IL1RAPL2: variants seen among roughly 807,000 people sequenced by gnomAD.
IL1RAPL2 encodes the protein interleukin 1 receptor accessory protein like 2, also known as X-linked interleukin-1 receptor accessory protein-like 2.
In IL1RAPL2, 3 loss-of-function variants were observed where a neutral mutation model predicts 44.1. That is an observed-to-expected ratio of 0.07 (90% confidence interval 0.03 to 0.18). IL1RAPL2 has a LOEUF of 0.18. IL1RAPL2 is among the 10% of genes least tolerant of loss of function. IL1RAPL2 has a pLI of 1.00. For synonymous variants in IL1RAPL2, 181 were observed against 178.8 expected (o/e 1.01, Z -0.10); for missense variants, 391 against 496.4 (o/e 0.79, Z 2.02).
intron 5 of IL1RAPL2, among the ~76,000 whole-genome samples, chrX:105,300,989 G>A (rs993853608): frequency 4.5e-5 from 5 of 111,836 alleles, no homozygotes; most frequent in Middle Eastern, 4.7e-3. Context: ...TAAGTTTGGA[G>A]ACATGCTTAG....
At chrX:105,015,324 C>T (rs992350101) in intron 2 of IL1RAPL2, among the ~76,000 whole-genome samples, 9 of 110,811 alleles carry the variant, frequency 8.1e-5, no homozygotes, top group Non-Finnish European at 1.7e-4. Flanking sequence ...AATTAGATCC[C>T]GTTTGTGAAT....
At chrX:104,892,817 T>C (rs768286483) in intron 2 of IL1RAPL2, among the ~76,000 whole-genome samples, 3 of 111,991 alleles carry the variant, frequency 2.7e-5, no homozygotes, top group Non-Finnish European at 5.6e-5. Flanking sequence ...ATCTTAGTTA[T>C]TTCTTGCCTT....
intron 1 of IL1RAPL2, among the ~76,000 whole-genome samples, chrX:104,632,551 C>T (rs1929675951): frequency 9.2e-6 from 1 of 108,537 alleles, no homozygotes. Flanking sequence ...TTGAAGAGGT[C>T]CTTCACATCC....
intron 5 of IL1RAPL2, among the ~76,000 whole-genome samples, chrX:105,402,198 T>C (rs768400181): frequency 2.7e-5 from 3 of 111,485 alleles, no homozygotes; most frequent in East Asian, 2.8e-4. Flanking sequence ...TCTGAAGTAA[T>C]ACAGAGTTGC....
At chrX:105,322,304 C>A (rs975667744) in intron 5 of IL1RAPL2, among the ~76,000 whole-genome samples, 4 of 112,480 alleles carry the variant, frequency 3.6e-5, no homozygotes, top group African/African-American at 9.7e-5. Flanking sequence ...CTGTGTAATT[C>A]ATTGCCACAA....
chrX:105,628,233 T>C (rs964101373), intron 6 of IL1RAPL2, among the ~76,000 whole-genome samples: 3 of 111,520 alleles, frequency 2.7e-5, no homozygotes, highest in Non-Finnish European at 5.7e-5. Flanking sequence ...ACGTGCAGGT[T>C]AGTTAAATAT....
intron 1 of IL1RAPL2, among the ~76,000 whole-genome samples, chrX:104,601,287 C>A (rs1928877216): frequency 9.1e-6 from 1 of 109,905 alleles, no homozygotes; most frequent in African/African-American, 3.3e-5. Context: ...TCCCCCTACC[C>A]CACAACAGGC....
At chrX:105,169,032 C>T (rs5962471) in intron 2 of IL1RAPL2, among the ~76,000 whole-genome samples, 102 of 112,323 alleles carry the variant, frequency 9.1e-4, no homozygotes, top group Admixed American at 1.6e-3. Context: ...TTTATAACAA[C>T]TCTACACTGT....
chrX:105,744,693 A>T (rs2038526277), intron 8 of IL1RAPL2, among the ~76,000 whole-genome samples: 1 of 111,614 alleles, frequency 9.0e-6, no homozygotes, highest in African/African-American at 3.3e-5. Flanking sequence ...AAGTTTTGTA[A>T]CCTATCCATC....
chrX:105,360,234 G>A (rs1164616946), intron 5 of IL1RAPL2, among the ~76,000 whole-genome samples: 1 of 111,503 alleles, frequency 9.0e-6, no homozygotes, highest in African/African-American at 3.3e-5. Context: ...ACCAGAGAGT[G>A]AAGCAGTGAA....
At chrX:105,118,672 T>A (rs1221549421) in intron 2 of IL1RAPL2, among the ~76,000 whole-genome samples, 1 of 112,420 alleles carries the variant, frequency 8.9e-6, no homozygotes, top group African/African-American at 3.2e-5. Flanking sequence ...TTTCTGTTGT[T>A]CTTCTGAAAT....
At chrX:105,379,353 A>C (rs960601863) in intron 5 of IL1RAPL2, among the ~76,000 whole-genome samples, 2 of 111,632 alleles carry the variant, frequency 1.8e-5, no homozygotes, top group African/African-American at 6.5e-5. Context: ...GCAAAACAAA[A>C]GTAGTAGAAA....
chrX:104,898,938 G>A (rs751188971), intron 2 of IL1RAPL2, among the ~76,000 whole-genome samples: 44 of 112,219 alleles, frequency 3.9e-4, no homozygotes, highest in Non-Finnish European at 7.7e-4. Context: ...TTAATAATAA[G>A]AATATACTTT....
intron 6 of IL1RAPL2, among the ~76,000 whole-genome samples, chrX:105,596,818 C>T (rs146765331): frequency 1.4e-4 from 16 of 111,544 alleles, no homozygotes; most frequent in African/African-American, 5.2e-4. Context: ...AAAATAAACT[C>T]AAAATGCATT....
At chrX:104,879,509 A>G (rs998208266) in intron 2 of IL1RAPL2, among the ~76,000 whole-genome samples, 10 of 111,419 alleles carry the variant, frequency 9.0e-5, no homozygotes, top group East Asian at 5.6e-4. Flanking sequence ...TTGACACACA[A>G]CAGTTTCATT....
Position 104,952,514 on chromosome X carries a change from A to G in IL1RAPL2, c.83-242961A>G, listed in dbSNP as rs1207119821. Among the ~76,000 whole-genome samples the G allele has an allele frequency of 4.4e-5, 5 of 112,364 alleles. No individual in the cohort carries two copies. The East Asian group carries it at 1.4e-3, about 31-fold the overall frequency. On this transcript the variant is annotated intron_variant, in intron 2 of 10. Coordinates refer to ENST00000372582, the MANE Select transcript of IL1RAPL2 (RefSeq NM_017416.2). ...TGCAAAGAGTGAATTTACTTTAACAAAAGAAACATTAACACACAAAATAAT... is the reference window on the plus strand; with the variant it reads ...TGCAAAGAGTGAATTTACTTTAACAGAAGAAACATTAACACACAAAATAAT...
At chrX:105,187,331 T>C (rs1441136906) in intron 2 of IL1RAPL2, among the ~76,000 whole-genome samples, 1 of 111,958 alleles carries the variant, frequency 8.9e-6, no homozygotes, top group Non-Finnish European at 1.9e-5. Context: ...TTTTATTTGA[T>C]TTGACATTAT....
intron 1 of IL1RAPL2, among the ~76,000 whole-genome samples, chrX:104,634,562 C>T (rs940521881): frequency 8.9e-6 from 1 of 111,934 alleles, no homozygotes; most frequent in Non-Finnish European, 1.9e-5. Context: ...GGATAGTTAG[C>T]TCTTCTTGTT....
At chrX:104,858,631 A>G (rs1045105347) in intron 2 of IL1RAPL2, among the ~76,000 whole-genome samples, 5 of 112,393 alleles carry the variant, frequency 4.4e-5, no homozygotes, top group Non-Finnish European at 7.5e-5. Flanking sequence ...ACTTTTAAAG[A>G]TTTTAAACCA....
Sources: gnomAD v4.1 joint callset for allele counts (sites outside exome capture counted in the v4.1 genomes callset) on GRCh38, gnomAD v4.1.1 for gene constraint, MANE v1.5 for transcripts, NCBI Gene and HGNC (gene_info 2026-07-23, HGNC 2026-07-21) for gene names.